Variants in NCOR1 observed in about 807,000 individuals in gnomAD.
NCOR1 encodes protein phosphatase 1, regulatory subunit 109.
In NCOR1, 63 loss-of-function variants were observed where a neutral mutation model predicts 288.1. The ratio of observed to expected loss-of-function variants is 0.22; its 90% CI spans 0.18 to 0.27. The LOEUF (loss-of-function observed/expected upper bound fraction) is 0.27. Ranked by LOEUF, NCOR1 falls within the 10% of genes least tolerant of loss-of-function variation. The pLI, the probability that NCOR1 is intolerant of heterozygous loss-of-function variation, is 1.00. For synonymous variants in NCOR1, 1,007 were observed against 1,065.9 expected, an observed-to-expected ratio of 0.94 and a Z score of 1.08; for missense variants, 2,397 against 3,019.2, an observed-to-expected ratio of 0.79 and a Z score of 4.83.
chr17:16,094,185 G>A (rs1434080575), intron 21 of NCOR1, among the ~76,000 whole-genome samples: 1 of 152,066 alleles, frequency 6.6e-6, no homozygotes, highest in African/African-American at 2.4e-5. Flanking sequence ...GATTACAGGC[G>A]TGAGCCACCA....
intron 3 of NCOR1, among the ~76,000 whole-genome samples, chr17:16,177,318 T>C (rs987904935): frequency 6.6e-6 from 1 of 151,190 alleles, no homozygotes; most frequent in Non-Finnish European, 1.5e-5. Flanking sequence ...TCTTTTATAG[T>C]GCATAGCACT....
intron 3 of NCOR1, among the ~76,000 whole-genome samples, chr17:16,182,816 T>C (rs867980348): frequency 8.6e-5 from 13 of 151,236 alleles, no homozygotes; most frequent in African/African-American, 2.9e-4. Flanking sequence ...CTATTAAGAA[T>C]AAACATATTA....
In NCOR1 at chr17:16,161,230, GACACACACACACACACACAC is replaced by G. The variant is rs67635232; in HGVS notation, c.619-2377_619-2358del. 4.9e-3 allele frequency among the ~76,000 whole-genome samples: 705 copies of G among 143,234 alleles called. 5 individuals carry two copies. The highest frequency in any genetic ancestry group is 0.017 in the African/African-American group (657 of 39,332). The allele number at this position is 143,234 out of a possible 152,430, so 94.0% of individuals were successfully genotyped here. On this transcript the variant is annotated intron_variant, in intron 5 of 45. Transcript: ENST00000268712. ...CAAAGGCTAAAAGCAAACACACACAGACACACACACACACACACACACACACACACACACACACACACTCC... is the reference window on the plus strand; with the variant it reads ...CAAAGGCTAAAAGCAAACACACACAGACACACACACACACACACACACTCC...
At chr17:16,146,245 T>A (rs2077983681) in intron 10 of NCOR1, 131 bp downstream of exon 10, 1 of 776,566 alleles carries the variant, frequency 1.3e-6, no homozygotes, top group Non-Finnish European at 2.0e-6. Flanking sequence ...TATTGTCCTA[T>A]GACCCTGCCA....
intron 23 of NCOR1, 76 bp from the exon 24 acceptor site, chr17:16,080,803 G>T: frequency 1.5e-6 from 2 of 1,371,668 alleles, no homozygotes; most frequent in South Asian, 1.4e-5. Flanking sequence ...CACAAAGTCA[G>T]CATTCCCATT....
chr17:16,036,192 C>T (rs902571152), intron 44 of NCOR1, among the ~76,000 whole-genome samples: 1 of 152,226 alleles, frequency 6.6e-6, no homozygotes, highest in Non-Finnish European at 1.5e-5. Context: ...CATTCATCTC[C>T]TTGAACCTTT....
chr17:16,206,697 C>T (rs2091550450), intron 1 of NCOR1, among the ~76,000 whole-genome samples: 1 of 151,888 alleles, frequency 6.6e-6, no homozygotes, highest in South Asian at 2.1e-4. Flanking sequence ...ATTATGGTAT[C>T]TTCATGTACT....
In NCOR1 at chr17:16,139,146, G is replaced by C; in HGVS notation, c.1214C>G (p.Pro405Arg). ...TCTTTGTTCTGCATCAAACATCATA[G>C]GTGGAATCACAGAGAGCTGCCGCAT... is the stretch of plus-strand genomic sequence containing the variant. ...KQMRQLSVIP[P>R]MMFDAEQRRV... is the part of the protein sequence containing the mutation. The change falls in exon 12 of 46, where the codon CCT (proline) becomes CGT (arginine). Residue 405 changes from proline (P) to arginine (R), a missense_variant. Pro to Arg is a moderately radical substitution (Grantham distance 103). Around this residue, in one of 11 missense-constraint regions of NCOR1, gnomAD observed 80 missense variants for 100.3 expected, o/e 0.80. Transcript: ENST00000268712. 6.2e-7 allele frequency: 1 copy of C among 1,613,384 alleles called. No individual in the cohort carries two copies. Among genetic ancestry groups the C allele is most frequent in the Non-Finnish European group, 8.5e-7 (1 of 1,179,704 alleles).
intron 40 of NCOR1, among the ~76,000 whole-genome samples, chr17:16,055,756 G>A (rs1014679964): frequency 3.9e-5 from 6 of 152,166 alleles, no homozygotes; most frequent in African/African-American, 1.4e-4. Context: ...TTTTCATCAG[G>A]AATGGACCAT....
intron 19 of NCOR1, among the ~76,000 whole-genome samples, chr17:16,103,481 T>C (rs1451390197): frequency 1.3e-5 from 2 of 152,248 alleles, no homozygotes; most frequent in African/African-American, 4.8e-5. Flanking sequence ...CCCCCATTAC[T>C]ATTAGGATAA....
chr17:16,054,747 T>C (rs2059718804), intron 40 of NCOR1, among the ~76,000 whole-genome samples: 1 of 151,946 alleles, frequency 6.6e-6, no homozygotes. Flanking sequence ...CTGGCCAACA[T>C]AGTGAAAAAC....
At chr17:16,056,479 T>G (rs2059945550) in intron 40 of NCOR1, among the ~76,000 whole-genome samples, 1 of 149,126 alleles carries the variant, frequency 6.7e-6, no homozygotes, top group South Asian at 2.1e-4. Context: ...GCCTGGCTAA[T>G]TTTTTTTTTG....
intron 1 of NCOR1, among the ~76,000 whole-genome samples, chr17:16,214,646 T>C (rs1487639155): frequency 6.6e-6 from 1 of 152,136 alleles, no homozygotes; most frequent in Non-Finnish European, 1.5e-5. Context: ...CTTATTCCCA[T>C]CCATTCCTTT....
intron 14 of NCOR1, among the ~76,000 whole-genome samples, chr17:16,135,503 T>C (rs776965764): frequency 1.3e-5 from 2 of 152,148 alleles, no homozygotes; most frequent in Non-Finnish European, 2.9e-5. Flanking sequence ...TTCCACTTTA[T>C]AAAAAAATTT....
At chr17:16,077,461 A>C (rs2062654027) in intron 26 of NCOR1, among the ~76,000 whole-genome samples, 1 of 10,392 alleles carries the variant, frequency 9.6e-5, no homozygotes, top group African/African-American at 4.5e-4. Context: ...AGGAGAGGAG[A>C]GGGGAGGAGA....
At chr17:16,065,342 C>G in intron 33 of NCOR1, 143 bp downstream of exon 33, 1 of 967,044 alleles carries the variant, frequency 1.0e-6, no homozygotes. Context: ...TGTCTCTGGG[C>G]TAAAAAGTCT....
chr17:16,139,256 G>T, intron 11 of NCOR1, 70 bp from the exon 12 acceptor site: 1 of 1,309,774 alleles, frequency 7.6e-7, no homozygotes, highest in Non-Finnish European at 1.1e-6. Flanking sequence ...ATGGACCAAT[G>T]CTCTTAATGT....
At chr17:16,116,624 C>G (rs551000223) in intron 18 of NCOR1, among the ~76,000 whole-genome samples, 1 of 152,184 alleles carries the variant, frequency 6.6e-6, no homozygotes, top group Non-Finnish European at 1.5e-5. Flanking sequence ...TCTAAAATGA[C>G]ATTCCATGAA....
rs2152741697 is a variant in NCOR1 at position 16,072,227 on chromosome 17, C to T, written c.3813G>A (p.Gly1271=). 6.2e-7 allele frequency: 1 copy of T among 1,608,504 alleles called. No individual in the cohort carries two copies. The highest frequency in any genetic ancestry group is 8.5e-7 in the Non-Finnish European group (1 of 1,176,746). Residue 1271 remains glycine, a splice_region_variant and synonymous_variant, in exon 29 of 46, where the codon GGG becomes GGA. Coordinates refer to ENST00000268712, the MANE Select transcript of NCOR1 (RefSeq NM_006311.4). ...CCCTGGGTAATGCTCGGCATATCAG[C>T]CCTTCCAAAACAAGAAAGCAATTCA... The part of the protein sequence containing the change: ...RESPVSAPLE[G]LICRALPRGS...
Sources: allele counts gnomAD v4.1 joint callset (sites outside exome capture counted in the v4.1 genomes callset), GRCh38; gene constraint gnomAD v4.1.1; regional missense constraint gnomAD v4.1.1; transcripts MANE v1.5; gene names NCBI Gene and HGNC (gene_info 2026-07-23, HGNC 2026-07-21).